POFUT3: variants seen among roughly 807,000 people sequenced by gnomAD.
POFUT3 encodes protein O-fucosyltransferase 3.
chr8:33,387,543 C>T, the POFUT3 span, among the ~76,000 whole-genome samples: 1 of 152,204 alleles, frequency 6.6e-6, no homozygotes, highest in Non-Finnish European at 1.5e-5. Flanking sequence ...GTGGCTCACA[C>T]CTGTAATCCC....
At chr8:33,311,075 G>T in the POFUT3 span, among the ~76,000 whole-genome samples, 1 of 151,938 alleles carries the variant, frequency 6.6e-6, no homozygotes, top group Non-Finnish European at 1.5e-5. Context: ...ATAATATCCA[G>T]TGGGAGAAAG....
chr8:33,400,434 C>A, the POFUT3 span, among the ~76,000 whole-genome samples: 7 of 151,254 alleles, frequency 4.6e-5, no homozygotes, highest in East Asian at 1.4e-3. Flanking sequence ...GCCTGGGTGA[C>A]AAAGTGAAAA....
the POFUT3 span, among the ~76,000 whole-genome samples, chr8:33,364,987 T>A: frequency 6.6e-6 from 1 of 152,158 alleles, no homozygotes; most frequent in Non-Finnish European, 1.5e-5. Flanking sequence ...GCTGGAGGCA[T>A]CATGCTACCT....
chr8:33,397,763 T>A, the POFUT3 span, among the ~76,000 whole-genome samples: 12 of 152,256 alleles, frequency 7.9e-5, no homozygotes, highest in Admixed American at 3.9e-4. Context: ...ATTGACTGAT[T>A]GATTGATTGG....
At chr8:33,403,085 A>G in the POFUT3 span, among the ~76,000 whole-genome samples, 1 of 152,134 alleles carries the variant, frequency 6.6e-6, no homozygotes, top group African/African-American at 2.4e-5. Context: ...GTTTTCATCA[A>G]ATTTTTACTA....
At chr8:33,325,200 C>A in the POFUT3 span, among the ~76,000 whole-genome samples, 283 of 152,274 alleles carry the variant, frequency 1.9e-3, 2 homozygotes, top group African/African-American at 6.2e-3. Flanking sequence ...AACTACCACA[C>A]TTTTCACTAT....
the POFUT3 span, among the ~76,000 whole-genome samples, chr8:33,353,334 A>G: frequency 1.4e-4 from 21 of 152,184 alleles, no homozygotes; most frequent in African/African-American, 5.1e-4. Context: ...CAAACAGGCA[A>G]ATGTTGGAAA....
chr8:33,389,077 T>G, the POFUT3 span: 3 of 1,614,208 alleles, frequency 1.9e-6, no homozygotes, highest in South Asian at 3.3e-5. Context: ...CCCTGAGAGC[T>G]GTCAGAAGTC....
the POFUT3 span, among the ~76,000 whole-genome samples, chr8:33,318,536 A>C: frequency 2.5e-5 from 3 of 118,918 alleles, no homozygotes; most frequent in African/African-American, 1.0e-4. Flanking sequence ...ATCATAATAT[A>C]ATTAGCTATT....
the POFUT3 span, among the ~76,000 whole-genome samples, chr8:33,432,374 T>C: frequency 6.9e-6 from 1 of 144,628 alleles, no homozygotes; most frequent in South Asian, 2.2e-4. Flanking sequence ...ACCACTGCAC[T>C]CCAACCTGGG....
At chr8:33,343,553 A>G in the POFUT3 span, among the ~76,000 whole-genome samples, 1 of 148,462 alleles carries the variant, frequency 6.7e-6, no homozygotes. Context: ...CAACCCCTTT[A>G]TTATACTGAT....
At chr8:33,331,067 C>T in the POFUT3 span, among the ~76,000 whole-genome samples, 1 of 152,156 alleles carries the variant, frequency 6.6e-6, no homozygotes, top group Non-Finnish European at 1.5e-5. Flanking sequence ...TAGGGCTGGG[C>T]ATGGGCTCAC....
the POFUT3 span, among the ~76,000 whole-genome samples, chr8:33,427,301 G>A: frequency 2.6e-5 from 4 of 152,178 alleles, no homozygotes; most frequent in Non-Finnish European, 5.9e-5. Flanking sequence ...AAAAGGGCCA[G>A]GCGTGGTGGC....
At chr8:33,354,775 G>C in the POFUT3 span, among the ~76,000 whole-genome samples, 1 of 152,158 alleles carries the variant, frequency 6.6e-6, no homozygotes, top group Non-Finnish European at 1.5e-5. Context: ...TCAAATTAAA[G>C]AGAATAACAG....
the POFUT3 span, among the ~76,000 whole-genome samples, chr8:33,465,099 T>G: frequency 6.6e-6 from 1 of 152,208 alleles, no homozygotes; most frequent in East Asian, 1.9e-4. Context: ...AAATAATAAA[T>G]GTTAACTATC....
the POFUT3 span, among the ~76,000 whole-genome samples, chr8:33,398,346 G>A: frequency 6.6e-6 from 1 of 152,178 alleles, no homozygotes; most frequent in Non-Finnish European, 1.5e-5. Context: ...CATGTAGCAT[G>A]TTAACACTGT....
chr8:33,452,536 C>A, the POFUT3 span: 1 of 149,954 alleles, frequency 6.7e-6, no homozygotes, highest in Non-Finnish European at 1.5e-5. Flanking sequence ...TATTGCCAAA[C>A]CAATATCTAA....
the POFUT3 span, among the ~76,000 whole-genome samples, chr8:33,356,834 G>T: frequency 2.6e-5 from 4 of 152,070 alleles, no homozygotes; most frequent in Non-Finnish European, 5.9e-5. Context: ...AATCCATCTT[G>T]AATTAATTTT....
chr8:33,442,947 C>G, the POFUT3 span, among the ~76,000 whole-genome samples: 2 of 152,086 alleles, frequency 1.3e-5, no homozygotes, highest in African/African-American at 4.8e-5. Context: ...GACTCCATTT[C>G]TAATAAAATG....
Sources: gnomAD v4.1 joint callset for allele counts (sites outside exome capture counted in the v4.1 genomes callset) on GRCh38, gnomAD v4.1.1 for gene constraint, MANE v1.5 for transcripts, NCBI Gene and HGNC (gene_info 2026-07-23, HGNC 2026-07-21) for gene names.